Variants in TECPR2 observed in about 807,000 individuals in gnomAD.
TECPR2 encodes the protein tectonin beta-propeller repeat containing 2.
A neutral mutation model predicts 138.1 loss-of-function variants in TECPR2; 65 were observed. The observed-to-expected ratio is 0.47, with a 90% confidence interval of 0.39 to 0.58. The LOEUF (loss-of-function observed/expected upper bound fraction) is 0.58. Among genes scored for constraint, TECPR2 ranks in the 20% least tolerant of loss-of-function variants. TECPR2 has a pLI of 0.00. For missense variants in TECPR2, 1,553 were observed against 1,824.5 expected (o/e 0.85, Z 2.71); for synonymous variants, 746 against 749.8 (o/e 0.99, Z 0.08).
At position 102,420,195 on chromosome 14, in the gene TECPR2, G is replaced by A. The variant is rs1889141272; in HGVS notation, c.639-4784G>A. ...TACATATCAACGTGGTCTATAAAGG[G>A]AATTAAAATTTTTTTAGGTAATCAA... is the stretch of plus-strand genomic sequence containing the variant. On this transcript the variant is annotated intron_variant, in intron 5 of 19. Transcript: ENST00000359520. The surrounding 1 kb of genome is among the most constrained non-coding windows in gnomAD (Gnocchi z 4.1). Among the ~76,000 whole-genome samples, 1 of 152,162 alleles carries A rather than the reference G, an allele frequency of 6.6e-6. No homozygotes were observed. Among genetic ancestry groups the A allele is most frequent in the African/African-American group, 2.4e-5 (1 of 41,416 alleles).
chr14:102,483,355 G>A (rs547843361), intron 17 of TECPR2, among the ~76,000 whole-genome samples: 10 of 152,098 alleles, frequency 6.6e-5, no homozygotes, highest in African/African-American at 2.2e-4. Flanking sequence ...CTTCTGCCCC[G>A]CCTCTCTTGT....
At chr14:102,461,755 G>C (rs909942618) in intron 16 of TECPR2, among the ~76,000 whole-genome samples, 6 of 152,280 alleles carry the variant, frequency 3.9e-5, no homozygotes, top group African/African-American at 1.4e-4. Context: ...CCACCATCTC[G>C]GTTCCTTCTG....
chr14:102,497,463 C>T, intron 18 of TECPR2, 107 bp from the exon 19 acceptor site: 2 of 1,373,370 alleles, frequency 1.5e-6, no homozygotes, highest in Non-Finnish European at 1.9e-6. Flanking sequence ...CACTCCGTCC[C>T]CGCAGGGACC....
chr14:102,413,161 A>G (rs1316716693), intron 4 of TECPR2, among the ~76,000 whole-genome samples: 1 of 152,094 alleles, frequency 6.6e-6, no homozygotes, highest in Non-Finnish European at 1.5e-5. Context: ...TGTTGGTTAC[A>G]TGACTATAAA....
Position 102,419,766 on chromosome 14 carries a change from T to G in TECPR2, c.638+4973T>G, listed in dbSNP as rs111737968. Among the ~76,000 whole-genome samples the G allele has an allele frequency of 0.02, 2,991 of 152,306 alleles. 42 individuals are homozygous for G. The highest frequency in any genetic ancestry group is 0.034 in the Middle Eastern group (10 of 294). The stretch of plus-strand genomic sequence containing the variant: ...ACCGTGGGTTTGCTGTCCTGTGTAT[T>G]TATGTTGCATTGTTTCATGTGTCAG... On this transcript the variant is annotated intron_variant, in intron 5 of 19. Coordinates refer to ENST00000359520, the MANE Select transcript of TECPR2 (RefSeq NM_014844.5). This position sits in a 1 kb window ranked among gnomAD's most constrained non-coding sequence, Gnocchi z 4.8.
In TECPR2 at chr14:102,417,853, G is replaced by A. The variant is rs575949053; in HGVS notation, c.638+3060G>A. Among the ~76,000 whole-genome samples, 378 of 147,148 alleles carry A rather than the reference G, an allele frequency of 2.6e-3. 3 individuals carry two copies. The highest frequency in any genetic ancestry group is 4.1e-3 in the Non-Finnish European group (270 of 66,334). On this transcript the variant is annotated intron_variant, in intron 5 of 19. Transcript: ENST00000359520. The stretch of plus-strand genomic sequence containing the variant: ...AGGGGAGCCGTGGGGAGGCTGCCAC[G>A]GGAGTCCAGGGGAGCCGTGGGGAGG...
At chr14:102,413,006 G>GGATC (rs1888923754) in intron 4 of TECPR2, among the ~76,000 whole-genome samples, 1 of 152,134 alleles carries the variant, frequency 6.6e-6, no homozygotes, top group African/African-American at 2.4e-5. Context: ...TGAGGTTGGA[G>GGATC]GATCAGTTGA....
At chr14:102,480,834 GT>G (rs1411714544) in intron 17 of TECPR2, among the ~76,000 whole-genome samples, 1 of 123,010 alleles carries the variant, frequency 8.1e-6, no homozygotes, top group Non-Finnish European at 1.7e-5. Flanking sequence ...TTGTTTTTTG[GT>G]TTTGGGTTTT....
intron 16 of TECPR2, among the ~76,000 whole-genome samples, chr14:102,454,952 CAGCTCAT>C (rs1333505899): frequency 6.6e-6 from 1 of 152,254 alleles, no homozygotes; most frequent in African/African-American, 2.4e-5. Flanking sequence ...GCCTCCAGCA[CAGCTCAT>C]GCCTCCCTCC....
chr14:102,476,206 CAAAAAAAAAAAAAA>C (rs58293049), intron 17 of TECPR2, among the ~76,000 whole-genome samples: 2 of 59,680 alleles, frequency 3.4e-5, no homozygotes, highest in Non-Finnish European at 5.8e-5. Context: ...GACTCTGTCT[CAAAAAAAAAAAAAA>C]AAAAAAAAAA....
Position 102,428,343 on chromosome 14 carries a change from A to T in TECPR2, c.1045A>T (p.Ile349Leu), listed in dbSNP as rs776015832. 1.9e-6 allele frequency: 3 copies of T among 1,610,524 alleles called. No individual in the cohort carries two copies. In the Admixed American group the frequency reaches 5.1e-5, roughly 27 times the overall value. ...IFFLKGDRNI[I>L]RISSRPEGLT... is the part of the protein sequence containing the mutation. ...TTTCTTGAAAGGAGATAGGAACATTATAAGAATTTCAAGCAGGCCTGAAGG... is the reference window on the plus strand; with the variant it reads ...TTTCTTGAAAGGAGATAGGAACATTTTAAGAATTTCAAGCAGGCCTGAAGG... Residue 349 changes from isoleucine to leucine, a missense_variant, in exon 7 of 20, where the codon ATA becomes TTA. By Grantham distance (5) the Ile-to-Leu change is conservative. Transcript: ENST00000359520.
intron 11 of TECPR2, among the ~76,000 whole-genome samples, chr14:102,441,529 A>T (rs1019718417): frequency 5.3e-5 from 8 of 151,548 alleles, no homozygotes; most frequent in Non-Finnish European, 8.8e-5. Flanking sequence ...AAAAAAAAAA[A>T]AATACAAAAA....
intron 4 of TECPR2, among the ~76,000 whole-genome samples, chr14:102,410,565 A>G (rs1888813066): frequency 6.6e-6 from 1 of 151,292 alleles, no homozygotes; most frequent in Non-Finnish European, 1.5e-5. Context: ...TACTTTTACC[A>G]CTTTCCCTTC....
Position 102,452,408 on chromosome 14 carries a change from C to T in TECPR2, c.3421C>T (p.Leu1141=). 1 of 1,607,790 alleles carries T rather than the reference C, an allele frequency of 6.2e-7. No individual in the cohort carries two copies. The highest frequency in any genetic ancestry group is 8.5e-7 in the Non-Finnish European group (1 of 1,174,826). The change falls in exon 16 of 20, where the codon CTG becomes TTG. Residue 1141 remains leucine (L), a synonymous_variant. Coordinates refer to ENST00000359520, the MANE Select transcript of TECPR2 (RefSeq NM_014844.5). ...CCTTTCTGCAGGAAGCTTCCTGTGG[C>T]TGTGCCAGAGCAGCAAGGACCTGTG... ...APTKEGSFLW[L]CQSSKDLCSV...
At chr14:102,464,891 C>T (rs540061999) in intron 16 of TECPR2, among the ~76,000 whole-genome samples, 4 of 152,248 alleles carry the variant, frequency 2.6e-5, no homozygotes, top group South Asian at 2.1e-4. Flanking sequence ...TGCCGTGTGG[C>T]GCCTGGCAGG....
intron 4 of TECPR2, among the ~76,000 whole-genome samples, chr14:102,409,133 G>A (rs1039823716): frequency 4.6e-5 from 7 of 152,228 alleles, no homozygotes; most frequent in African/African-American, 1.7e-4. Context: ...CTTTCAAACT[G>A]TGCTTCTGCT....
intron 2 of TECPR2, among the ~76,000 whole-genome samples, chr14:102,386,774 A>G (rs1888018295): frequency 6.6e-6 from 1 of 152,186 alleles, no homozygotes; most frequent in African/African-American, 2.4e-5. Flanking sequence ...GCTGCCAGTT[A>G]TTAGTGGTTT....
In TECPR2 at chr14:102,501,508, C is replaced by T. The variant is rs1478438862; in HGVS notation, c.*3251C>T. Reference sequence around the variant, plus strand: ...AATGAACTATGATCACACCACTGCACTCCAGCCTCGGCGACAGAGCAAGAC... The same window carrying T: ...AATGAACTATGATCACACCACTGCATTCCAGCCTCGGCGACAGAGCAAGAC... On this transcript the variant is annotated 3_prime_UTR_variant, in exon 20 of 20. Coordinates refer to ENST00000359520, the MANE Select transcript of TECPR2 (RefSeq NM_014844.5). 1 of 152,156 alleles carries T rather than the reference C, an allele frequency of 6.6e-6. No homozygotes were observed. Among genetic ancestry groups the T allele is most frequent in the Admixed American group, 6.5e-5 (1 of 15,280 alleles). The allele number at this position is 152,156 out of a possible 1,614,324, so 9.4% of individuals were successfully genotyped here. A position where few individuals can be genotyped will look rare whatever the true frequency, so the allele number is the denominator to read the frequency against.
Position 102,496,768 on chromosome 14 carries a change from C to T in TECPR2, c.3790-211C>T, listed in dbSNP as rs985460666. 2.8e-5 allele frequency: 19 copies of T among 681,314 alleles called. No individual in the cohort carries two copies. The East Asian group carries it at 4.2e-4, about 15-fold the overall frequency. 42.2% of individuals were successfully genotyped at this position (681,314 alleles called of 1,614,324 possible). A position where few individuals can be genotyped will look rare whatever the true frequency, so the allele number is the denominator to read the frequency against. On this transcript the variant is annotated intron_variant, in intron 17 of 19. Transcript: ENST00000359520. ...CCATGCTGGTATCTGCTGGGCTGTC[C>T]CTCAGTCTGGCCCACCTGACATTCT... is the stretch of plus-strand genomic sequence containing the variant.
Sources: allele counts gnomAD v4.1 joint callset (sites outside exome capture counted in the v4.1 genomes callset), GRCh38; gene constraint gnomAD v4.1.1; non-coding constraint Gnocchi (gnomAD v3.1); transcripts MANE v1.5; gene names NCBI Gene and HGNC (gene_info 2026-07-23, HGNC 2026-07-21).